The following LRMDA variants were observed in gnomAD, a reference collection of about 807,000 sequenced individuals.
LRMDA encodes leucine rich melanocyte differentiation associated.
In LRMDA, 18 loss-of-function variants were observed where a neutral mutation model predicts 29.8. The ratio of observed to expected loss-of-function variants is 0.60; its 90% CI spans 0.42 to 0.90. LRMDA has a LOEUF of 0.90. LRMDA is among the 40% of genes least tolerant of loss of function. The probability of loss-of-function intolerance (pLI) is 0.00; values close to 1 mark genes in which losing one functional copy is unlikely to be tolerated. For synonymous variants in LRMDA, 125 were observed against 109.4 expected (o/e 1.14, Z -0.89); for missense variants, 273 against 273.9 (o/e 1.00, Z 0.02).
intron 6 of LRMDA, among the ~76,000 whole-genome samples, chr10:76,406,250 C>T (rs544053838): frequency 7.4e-4 from 113 of 152,258 alleles, no homozygotes; most frequent in African/African-American, 2.4e-3. Flanking sequence ...TTTATGTTTC[C>T]GTGCCATCTT....
chr10:76,105,167 A>G (rs1414837475), intron 5 of LRMDA, among the ~76,000 whole-genome samples: 1 of 152,166 alleles, frequency 6.6e-6, no homozygotes, highest in East Asian at 1.9e-4. Flanking sequence ...AACACTTACC[A>G]CGTTTTAAGA....
chr10:75,545,941 C>A (rs929799474), intron 2 of LRMDA, among the ~76,000 whole-genome samples: 3 of 152,154 alleles, frequency 2.0e-5, no homozygotes, highest in Non-Finnish European at 4.4e-5. Flanking sequence ...TTTATAACGA[C>A]CATGAAACTC....
intron 2 of LRMDA, among the ~76,000 whole-genome samples, chr10:76,022,650 A>G (rs1005536773): frequency 6.6e-6 from 1 of 152,154 alleles, no homozygotes; most frequent in Non-Finnish European, 1.5e-5. Flanking sequence ...GACCAGAATA[A>G]TCTTCCTTAC....
At chr10:76,383,720 G>T (rs562648679) in intron 6 of LRMDA, among the ~76,000 whole-genome samples, 1 of 151,862 alleles carries the variant, frequency 6.6e-6, no homozygotes, top group East Asian at 1.9e-4. Context: ...GTGAGCCACC[G>T]CGCCCGGCCC....
At chr10:76,018,156 T>C (rs1366809594) in intron 2 of LRMDA, among the ~76,000 whole-genome samples, 1 of 152,154 alleles carries the variant, frequency 6.6e-6, no homozygotes, top group Non-Finnish European at 1.5e-5. Context: ...TGCCCGACAA[T>C]AGACAGAGCA....
rs770413110 is a variant in LRMDA, at chr10:76,010,250, G to A, written c.132-25758G>A. On this transcript the variant is annotated intron_variant, in intron 2 of 6. Transcript: ENST00000611255. ...TGGTCTAGAGAGTCCACTGTACCCTGAGGTATTTCCCTAAGTGCCAGGTCC... is the reference window on the plus strand; with the variant it reads ...TGGTCTAGAGAGTCCACTGTACCCTAAGGTATTTCCCTAAGTGCCAGGTCC... Among the ~76,000 whole-genome samples, 98 of 152,014 alleles carry A rather than the reference G, an allele frequency of 6.4e-4. 2 individuals are homozygous for A. Among genetic ancestry groups the A allele is most frequent in the Middle Eastern group, 6.8e-3 (2 of 294 alleles).
At chr10:75,581,351 C>A (rs1400180604) in intron 2 of LRMDA, among the ~76,000 whole-genome samples, 1 of 152,094 alleles carries the variant, frequency 6.6e-6, no homozygotes, top group Non-Finnish European at 1.5e-5. Flanking sequence ...AAATGCAAAT[C>A]CAAACCACAA....
chr10:76,209,723 T>C (rs914142223), intron 5 of LRMDA, among the ~76,000 whole-genome samples: 1 of 152,174 alleles, frequency 6.6e-6, no homozygotes, highest in Non-Finnish European at 1.5e-5. Context: ...GCCCCTCGGA[T>C]TTGTGGCTGC....
At chr10:76,228,599 T>C (rs1218401927) in intron 5 of LRMDA, among the ~76,000 whole-genome samples, 1 of 152,132 alleles carries the variant, frequency 6.6e-6, no homozygotes, top group African/African-American at 2.4e-5. Flanking sequence ...GGTCCTCCTA[T>C]GCACTGAATC....
chr10:76,389,285 A>G (rs7909650), intron 6 of LRMDA, among the ~76,000 whole-genome samples: 139,477 of 152,052 alleles, frequency 0.92, 64,679 homozygotes, highest in Middle Eastern at 0.99. Flanking sequence ...CTGTGGTGGC[A>G]AGTTTCGAAT....
chr10:75,546,806 G>C (rs1840086492), intron 2 of LRMDA, among the ~76,000 whole-genome samples: 1 of 152,178 alleles, frequency 6.6e-6, no homozygotes, highest in African/African-American at 2.4e-5. Flanking sequence ...TGGCTATTCA[G>C]ATTATGATAG....
intron 2 of LRMDA, among the ~76,000 whole-genome samples, chr10:75,692,219 A>AATATATATATAT (rs57600678): frequency 3.4e-5 from 3 of 87,548 alleles, no homozygotes; most frequent in African/African-American, 1.7e-4. Flanking sequence ...AAAAAAAAAA[A>AATATATATATAT]ATATATATAT....
At chr10:76,161,870 G>T (rs1158590633) in intron 5 of LRMDA, among the ~76,000 whole-genome samples, 2 of 152,222 alleles carry the variant, frequency 1.3e-5, no homozygotes, top group Non-Finnish European at 2.9e-5. Context: ...TCAGTGGGAA[G>T]AAAATCAGAT....
chr10:75,973,734 T>C (rs1417639505), intron 2 of LRMDA, among the ~76,000 whole-genome samples: 1 of 152,186 alleles, frequency 6.6e-6, no homozygotes, highest in East Asian at 1.9e-4. Context: ...TCATCCTTTA[T>C]GCAGTATTAT....
chr10:75,775,825 T>C (rs1843304329), intron 2 of LRMDA, among the ~76,000 whole-genome samples: 1 of 152,152 alleles, frequency 6.6e-6, no homozygotes, highest in Non-Finnish European at 1.5e-5. Flanking sequence ...CCAAAACCTC[T>C]AGAGATCTCC....
chr10:76,416,443 A>G (rs1466263358), intron 6 of LRMDA, among the ~76,000 whole-genome samples: 3 of 152,140 alleles, frequency 2.0e-5, no homozygotes, highest in Non-Finnish European at 4.4e-5. Flanking sequence ...TTTTGTCCTA[A>G]TCTTTAGAAT....
intron 6 of LRMDA, among the ~76,000 whole-genome samples, chr10:76,533,729 G>A (rs989936826): frequency 4.6e-5 from 7 of 152,152 alleles, no homozygotes; most frequent in African/African-American, 9.7e-5. Flanking sequence ...GTATTCCTGA[G>A]TATTTAGGTA....
At position 75,780,513 on chromosome 10, in the gene LRMDA, A is replaced by G. The variant is rs543960113; in HGVS notation, c.132-255495A>G. On this transcript the variant is annotated intron_variant, in intron 2 of 6. Coordinates refer to ENST00000611255, the MANE Select transcript of LRMDA (RefSeq NM_001305581.2). ...GGAGACCACAGGATCACTGCAGGTC[A>G]AAGCAGGACAGCAATAGCTGGAGGA... Among the ~76,000 whole-genome samples the G allele has an allele frequency of 5.3e-5, 8 of 152,330 alleles. No homozygotes were observed. The East Asian group carries it at 1.4e-3, about 26-fold the overall frequency.
At chr10:75,666,494 A>G (rs1290890630) in intron 2 of LRMDA, among the ~76,000 whole-genome samples, 1 of 152,168 alleles carries the variant, frequency 6.6e-6, no homozygotes, top group Non-Finnish European at 1.5e-5. Flanking sequence ...AGGATTTCAG[A>G]CAAGAAATTA....
Sources: gnomAD v4.1 joint callset for allele counts (sites outside exome capture counted in the v4.1 genomes callset) on GRCh38, gnomAD v4.1.1 for gene constraint, MANE v1.5 for transcripts, NCBI Gene and HGNC (gene_info 2026-07-23, HGNC 2026-07-21) for gene names.